TMEM132C: variants seen among roughly 807,000 people sequenced by gnomAD.
TMEM132C encodes the protein protein phosphatase 1, regulatory subunit 152.
Under a neutral mutation model 61.4 loss-of-function variants are expected in TMEM132C, and 29 were observed. That is an observed-to-expected ratio of 0.47 (90% confidence interval 0.35 to 0.64). The LOEUF (loss-of-function observed/expected upper bound fraction) is 0.64, where lower values mean the gene tolerates loss of function less well. Ranked by LOEUF, TMEM132C falls within the 30% of genes least tolerant of loss-of-function variation. The probability of loss-of-function intolerance (pLI) is 0.00; values close to 1 mark genes in which losing one functional copy is unlikely to be tolerated. For synonymous variants in TMEM132C, 656 were observed against 633.1 expected (o/e 1.04, Z -0.54); for missense variants, 1,408 against 1,476.9 (o/e 0.95, Z 0.76).
At chr12:128,313,795 C>T (rs766020174) in intron 1 of TMEM132C, among the ~76,000 whole-genome samples, 2 of 152,194 alleles carry the variant, frequency 1.3e-5, no homozygotes, top group Non-Finnish European at 2.9e-5. Flanking sequence ...ATAGCACAGA[C>T]GCTGTGGGCA....
intron 7 of TMEM132C, among the ~76,000 whole-genome samples, chr12:128,696,688 A>G (rs1246588457): frequency 1.3e-5 from 2 of 152,168 alleles, no homozygotes; most frequent in Admixed American, 6.5e-5. Flanking sequence ...CTGGAATGTC[A>G]TTCAGGATCC....
chr12:128,703,314 A>G (rs1195416485), intron 8 of TMEM132C, among the ~76,000 whole-genome samples: 2 of 139,278 alleles, frequency 1.4e-5, no homozygotes, highest in Non-Finnish European at 3.3e-5. Context: ...CCACCCTCCA[A>G]TAGGCCCCAG....
intron 2 of TMEM132C, among the ~76,000 whole-genome samples, chr12:128,502,198 G>A (rs549586657): frequency 7.9e-5 from 12 of 152,342 alleles, no homozygotes; most frequent in African/African-American, 2.2e-4. Context: ...GGATGCAGAA[G>A]TGACAGAGGC....
At chr12:128,356,566 C>A (rs1376461467) in intron 1 of TMEM132C, among the ~76,000 whole-genome samples, 1 of 152,188 alleles carries the variant, frequency 6.6e-6, no homozygotes, top group Non-Finnish European at 1.5e-5. Context: ...AGAGTTAAAA[C>A]AGAAAGCAAG....
At chr12:128,417,705 G>A (rs765185485) in intron 2 of TMEM132C, among the ~76,000 whole-genome samples, 5 of 152,130 alleles carry the variant, frequency 3.3e-5, no homozygotes, top group Non-Finnish European at 7.3e-5. Flanking sequence ...ACAGTGTCTG[G>A]TGCACTGAAA....
chr12:128,395,007 A>G (rs919815942), intron 1 of TMEM132C, among the ~76,000 whole-genome samples: 1 of 151,504 alleles, frequency 6.6e-6, no homozygotes, highest in African/African-American at 2.4e-5. Flanking sequence ...TGTAAGTGTG[A>G]TTTACTATTT....
intron 1 of TMEM132C, among the ~76,000 whole-genome samples, chr12:128,328,598 C>A (rs1024495058): frequency 1.3e-5 from 2 of 151,968 alleles, no homozygotes; most frequent in East Asian, 3.9e-4. Flanking sequence ...ACCAGCCTGA[C>A]CAACATGGTG....
intron 1 of TMEM132C, among the ~76,000 whole-genome samples, chr12:128,347,671 A>T (rs192187420): frequency 6.6e-6 from 1 of 152,230 alleles, no homozygotes; most frequent in East Asian, 1.9e-4. Flanking sequence ...CAGGTGATCC[A>T]CCCGCCTTGG....
intron 2 of TMEM132C, among the ~76,000 whole-genome samples, chr12:128,505,481 G>C (rs182908789): frequency 2.0e-5 from 3 of 152,264 alleles, no homozygotes; most frequent in Admixed American, 6.5e-5. Flanking sequence ...GTTATTCCAA[G>C]TTCTTCCGGG....
intron 1 of TMEM132C, among the ~76,000 whole-genome samples, chr12:128,277,139 C>T (rs1232197796): frequency 6.6e-6 from 1 of 152,208 alleles, no homozygotes; most frequent in Non-Finnish European, 1.5e-5. Context: ...CCAAATTATT[C>T]AGTTTCTTAT....
chr12:128,381,055 C>T (rs142975528), intron 1 of TMEM132C, among the ~76,000 whole-genome samples: 4 of 152,236 alleles, frequency 2.6e-5, no homozygotes, highest in African/African-American at 7.2e-5. Context: ...ACAGCAAAAT[C>T]GCCAAAAGAA....
intron 1 of TMEM132C, among the ~76,000 whole-genome samples, chr12:128,331,962 A>G (rs1872675110): frequency 6.6e-6 from 1 of 152,190 alleles, no homozygotes; most frequent in African/African-American, 2.4e-5. Flanking sequence ...ATCATACTGT[A>G]TCTTTCTCCA....
intron 3 of TMEM132C, among the ~76,000 whole-genome samples, chr12:128,595,024 A>G (rs2101504): frequency 0.17 from 25,778 of 152,138 alleles, 3,130 homozygotes; most frequent in East Asian, 0.52. Flanking sequence ...GGAGGGTGAG[A>G]TGCTCGCCGG....
chr12:128,294,052 G>T, intron 1 of TMEM132C: 1 of 154,892 alleles, frequency 6.5e-6, no homozygotes, highest in Middle Eastern at 5.2e-4. Flanking sequence ...GACCTATCTT[G>T]GGTTTTGCAG....
Position 128,267,365 on chromosome 12 carries a change from G to T in TMEM132C, c.-38G>T. On this transcript the variant is annotated 5_prime_UTR_variant, in exon 1 of 9. Transcript: ENST00000435159. ...GGGCCGCGGGCGGGCGCTGCGCTTC[G>T]GGCTGGCGGCGGGCTGCGTGAGCGG... 9.7e-7 allele frequency: 1 copy of T among 1,030,784 alleles called. No individual in the cohort carries two copies. The highest frequency in any genetic ancestry group is 1.2e-6 in the Non-Finnish European group (1 of 860,382). The allele number at this position is 1,030,784 out of a possible 1,614,324, so 63.9% of individuals were successfully genotyped here. A position where few individuals can be genotyped will look rare whatever the true frequency, so the allele number is the denominator to read the frequency against.
intron 2 of TMEM132C, among the ~76,000 whole-genome samples, chr12:128,446,293 G>A (rs950034360): frequency 1.3e-5 from 2 of 152,174 alleles, no homozygotes; most frequent in Admixed American, 6.5e-5. Flanking sequence ...GATCTAAGAA[G>A]TTCTAGATGC....
At chr12:128,505,620 G>A (rs1168472053) in intron 2 of TMEM132C, among the ~76,000 whole-genome samples, 1 of 152,176 alleles carries the variant, frequency 6.6e-6, no homozygotes, top group African/African-American at 2.4e-5. Context: ...CAAACCTGAT[G>A]TCTGACACCT....
intron 1 of TMEM132C, among the ~76,000 whole-genome samples, chr12:128,333,708 CTGTA>C (rs917136136): frequency 2.8e-5 from 4 of 144,186 alleles, no homozygotes; most frequent in Admixed American, 6.9e-5. Flanking sequence ...TGTTTGTTGT[CTGTA>C]TGTATGAGAG....
At chr12:128,423,632 G>A (rs1293973905) in intron 2 of TMEM132C, among the ~76,000 whole-genome samples, 1 of 152,146 alleles carries the variant, frequency 6.6e-6, no homozygotes, top group African/African-American at 2.4e-5. Flanking sequence ...CTACTCTGGA[G>A]GCTAAGGTGG....
Sources: gnomAD v4.1 joint callset for allele counts (sites outside exome capture counted in the v4.1 genomes callset) on GRCh38, gnomAD v4.1.1 for gene constraint, MANE v1.5 for transcripts, NCBI Gene and HGNC (gene_info 2026-07-23, HGNC 2026-07-21) for gene names.